Variants in FBXW4 observed in about 807,000 individuals in gnomAD.
FBXW4 encodes the protein F-box and WD repeat domain containing 4.
FBXW4 carries 40 observed loss-of-function variants against 61.8 expected under a neutral mutation model. The ratio of observed to expected loss-of-function variants is 0.65; its 90% CI spans 0.50 to 0.84. The LOEUF (loss-of-function observed/expected upper bound fraction) is 0.84, where lower values mean the gene tolerates loss of function less well. FBXW4 is among the 40% of genes least tolerant of loss of function. The pLI is 0.00. For synonymous variants in FBXW4, 311 were observed against 313.8 expected (o/e 0.99, Z 0.10); for missense variants, 672 against 753.8 (o/e 0.89, Z 1.27).
chr10:101,644,817 A>C (rs1331891244), intron 5 of FBXW4, among the ~76,000 whole-genome samples: 1 of 152,218 alleles, frequency 6.6e-6, no homozygotes, highest in Non-Finnish European at 1.5e-5. Flanking sequence ...CCACTGCTCT[A>C]CAGCCCTGCC....
chr10:101,681,917 G>C (rs2064482245), intron 1 of FBXW4, among the ~76,000 whole-genome samples: 1 of 151,934 alleles, frequency 6.6e-6, no homozygotes, highest in Non-Finnish European at 1.5e-5. Context: ...AGGAAACTGG[G>C]ATCTATATCC....
chr10:101,693,679 T>C (rs2064635687), intron 1 of FBXW4, among the ~76,000 whole-genome samples: 1 of 152,242 alleles, frequency 6.6e-6, no homozygotes, highest in Non-Finnish European at 1.5e-5. Flanking sequence ...ACATGTTTTT[T>C]CCTTCCTATT....
intron 5 of FBXW4, among the ~76,000 whole-genome samples, chr10:101,627,473 A>C (rs1412591366): frequency 6.6e-6 from 1 of 152,306 alleles, no homozygotes; most frequent in East Asian, 1.9e-4. Flanking sequence ...CTGGGTGCAG[A>C]CACAGTTTTG....
In FBXW4 at chr10:101,612,186, G is replaced by A; in HGVS notation, c.1442+151C>T. ...CCACTGGGACCAGGGCTGCCCAAAT[G>A]TAGGAAGTCTAGTGACCTTGCAGGC... On this transcript the variant is annotated intron_variant, in intron 7 of 8. Coordinates refer to ENST00000331272, the MANE Select transcript of FBXW4 (RefSeq NM_022039.4). The A allele has an allele frequency of 3.1e-6, 3 of 975,210 alleles. No individual in the cohort carries two copies. In the East Asian group the frequency reaches 9.2e-5, roughly 30 times the overall value. The allele number at this position is 975,210 out of a possible 1,614,324, so 60.4% of individuals were successfully genotyped here. A position where few individuals can be genotyped will look rare whatever the true frequency, so the allele number is the denominator to read the frequency against.
intron 6 of FBXW4, among the ~76,000 whole-genome samples, chr10:101,619,905 T>A (rs2063854981): frequency 6.6e-6 from 1 of 152,220 alleles, no homozygotes; most frequent in African/African-American, 2.4e-5. Context: ...ATTGGCTGTC[T>A]GAGGGTGAGT....
chr10:101,638,223 G>A (rs1391990644), intron 5 of FBXW4, among the ~76,000 whole-genome samples: 1 of 152,172 alleles, frequency 6.6e-6, no homozygotes, highest in Non-Finnish European at 1.5e-5. Flanking sequence ...TCAGTAGAAG[G>A]ATGGTTACAA....
chr10:101,612,466 A>G lies in FBXW4; in HGVS notation c.1313T>C (p.Met438Thr), dbSNP rs1483187644. Reference protein sequence around the residue: ...RIWDLNSGQLMTHLGSDFPPG... With the variant: ...RIWDLNSGQLTTHLGSDFPPG... Reference sequence around the variant, plus strand: ...GGGAAAGTCACTGCCCAAGTGTGTCATCAGCTGCCCACTGGGAAGGGAAGG... The same window carrying G: ...GGGAAAGTCACTGCCCAAGTGTGTCGTCAGCTGCCCACTGGGAAGGGAAGG... Residue 438 changes from methionine (M) to threonine (T), a missense_variant, in exon 7 of 9, where the codon ATG becomes ACG. Transcript: ENST00000331272. 6.3e-7 allele frequency: 1 copy of G among 1,576,594 alleles called. No homozygotes were observed. Among genetic ancestry groups the G allele is most frequent in the Non-Finnish European group, 8.6e-7 (1 of 1,160,438 alleles).
upstream of FBXW4, chr10:101,695,290 A>G (rs1264487542): frequency 1.5e-5 from 11 of 739,502 alleles, no homozygotes; most frequent in Non-Finnish European, 1.8e-5. This position sits in a 1 kb window ranked among gnomAD's most constrained non-coding sequence, Gnocchi z 4.2. Flanking sequence ...GGGCGCTGAC[A>G]CCACCCCCGC....
intron 1 of FBXW4, among the ~76,000 whole-genome samples, chr10:101,678,437 G>GT (rs1199702874): frequency 6.6e-6 from 1 of 152,094 alleles, no homozygotes; most frequent in Non-Finnish European, 1.5e-5. Flanking sequence ...TTGTTTGTTT[G>GT]TTTTTTGAGA....
Position 101,610,699 on chromosome 10 carries a change from A to G in FBXW4, c.*592T>C, listed in dbSNP as rs1216421510. ...ATCAAGCTTTATTTTTACAAAAATG[A>G]AAATTGTAGCATGTCTCAACAGCCA... On this transcript the variant is annotated 3_prime_UTR_variant, in exon 9 of 9. Transcript: ENST00000331272. The G allele has an allele frequency of 6.6e-6, 1 of 152,314 alleles. No individual in the cohort carries two copies. The allele number at this position is 152,314 out of a possible 1,614,324, so 9.4% of individuals were successfully genotyped here.
chr10:101,611,197 G>T lies in FBXW4; in HGVS notation c.*94C>A. On this transcript the variant is annotated 3_prime_UTR_variant, in exon 9 of 9. Coordinates refer to ENST00000331272, the MANE Select transcript of FBXW4 (RefSeq NM_022039.4). The surrounding 1 kb of genome is among the most constrained non-coding windows in gnomAD (Gnocchi z 4.9). ...GGTCACAGGCCCAGGAGCACAGTGG[G>T]GCAGTGAGGAGGAGCTATCACTGCA... 1 of 1,482,612 alleles carries T rather than the reference G, an allele frequency of 6.7e-7. No homozygotes were observed. Among genetic ancestry groups the T allele is most frequent in the Non-Finnish European group, 9.2e-7 (1 of 1,091,712 alleles). The allele number at this position is 1,482,612 out of a possible 1,614,324, so 91.8% of individuals were successfully genotyped here. A position where few individuals can be genotyped will look rare whatever the true frequency, so the allele number is the denominator to read the frequency against.
intron 5 of FBXW4, among the ~76,000 whole-genome samples, chr10:101,666,865 T>C (rs2064306234): frequency 6.6e-6 from 1 of 151,746 alleles, no homozygotes; most frequent in Middle Eastern, 3.4e-3. Flanking sequence ...GAAACCAGCC[T>C]GGTCAATATA....
intron 5 of FBXW4, among the ~76,000 whole-genome samples, chr10:101,657,301 T>G (rs2064194678): frequency 6.6e-6 from 1 of 151,984 alleles, no homozygotes; most frequent in Admixed American, 6.6e-5. Context: ...AGCACATAAC[T>G]CTTACATGAG....
rs1032993562 is a variant in FBXW4 at position 101,655,538 on chromosome 10, A to G, written c.1235+12348T>C. On this transcript the variant is annotated intron_variant, in intron 5 of 8. Transcript: ENST00000331272. ...TTTGCCAAATGTTACAAATCTCACC[A>G]TCATGCCCAGCTGACCCTTCTCTTA... Among the ~76,000 whole-genome samples, 9 of 152,158 alleles carry G rather than the reference A, an allele frequency of 5.9e-5. 1 individual carries two copies. Among genetic ancestry groups the G allele is most frequent in the Admixed American group, 1.3e-4 (2 of 15,278 alleles).
In FBXW4 at chr10:101,611,225, C is replaced by T. The variant is rs1369770963; in HGVS notation, c.*66G>A. On this transcript the variant is annotated 3_prime_UTR_variant, in exon 9 of 9. Transcript: ENST00000331272. This position sits in a 1 kb window ranked among gnomAD's most constrained non-coding sequence, Gnocchi z 4.9. ...AGTGAGGAGGAGCTATCACTGCACC[C>T]TCCAGGCAAGAGAAGTCCCTGAGTA... 2 of 1,580,152 alleles carry T rather than the reference C, an allele frequency of 1.3e-6. No individual in the cohort carries two copies. Among genetic ancestry groups the T allele is most frequent in the Non-Finnish European group, 1.7e-6 (2 of 1,163,956 alleles).
In FBXW4 at chr10:101,694,561, G is replaced by A. The variant is rs2064653206; in HGVS notation, c.545C>T (p.Ala182Val). ...CAGCTCCTCCGGCAGGCGCCAGAGC[G>A]CAGGCCCCGCGGCCGGGCGGGCAGC... is the stretch of plus-strand genomic sequence containing the variant. ...ESAARPAAGPALWRLPEELLL... is the reference protein window; with the variant it reads ...ESAARPAAGPVLWRLPEELLL... The change falls in exon 1 of 9, where the codon GCG becomes GTG. Residue 182 changes from alanine to valine, a missense_variant. Ala to Val is a moderately conservative substitution (Grantham distance 64). Coordinates refer to ENST00000331272, the MANE Select transcript of FBXW4 (RefSeq NM_022039.4). This position sits in a 1 kb window ranked among gnomAD's most constrained non-coding sequence, Gnocchi z 6.0. 6.8e-7 allele frequency: 1 copy of A among 1,480,572 alleles called. No individual in the cohort carries two copies. Among genetic ancestry groups the A allele is most frequent in the South Asian group, 1.3e-5 (1 of 77,174 alleles). The allele number at this position is 1,480,572 out of a possible 1,614,324, so 91.7% of individuals were successfully genotyped here.
intron 6 of FBXW4, among the ~76,000 whole-genome samples, chr10:101,616,563 GA>G (rs1443870273): frequency 4.6e-5 from 7 of 152,358 alleles, no homozygotes; most frequent in Admixed American, 2.0e-4. Context: ...TGGGGGTGTT[GA>G]CTGATTCTTC....
chr10:101,677,628 T>C (rs2064427638), intron 1 of FBXW4, among the ~76,000 whole-genome samples: 1 of 152,082 alleles, frequency 6.6e-6, no homozygotes, highest in African/African-American at 2.4e-5. Context: ...TTGTCAGAAA[T>C]GGACCAAATG....
At chr10:101,618,694 C>CTCCCCACCCCTT (rs1172363766) in intron 6 of FBXW4, among the ~76,000 whole-genome samples, 1 of 152,264 alleles carries the variant, frequency 6.6e-6, no homozygotes, top group African/African-American at 2.4e-5. Context: ...CACCAACCAC[C>CTCCCCACCCCTT]TCCCCACCCC....
Sources: gnomAD v4.1 joint callset for allele counts (sites outside exome capture counted in the v4.1 genomes callset) on GRCh38, gnomAD v4.1.1 for gene constraint, Gnocchi (gnomAD v3.1) non-coding constraint, MANE v1.5 for transcripts, NCBI Gene and HGNC (gene_info 2026-07-23, HGNC 2026-07-21) for gene names.